Variants in NCALD observed in about 807,000 individuals in gnomAD.
The protein encoded by NCALD is neurocalcin delta, also known as neurocalcin-delta.
A neutral mutation model predicts 18.6 loss-of-function variants in NCALD; 10 were observed. The ratio of observed to expected loss-of-function variants is 0.54; its 90% CI spans 0.33 to 0.91. The LOEUF is 0.91. Ranked by LOEUF, NCALD falls within the 40% of genes least tolerant of loss-of-function variation. The pLI, the probability that NCALD is intolerant of heterozygous loss-of-function variation, is 0.03. For missense variants in NCALD, 184 were observed against 247.6 expected (o/e 0.74, Z 1.72); for synonymous variants, 88 against 87.4 (o/e 1.01, Z -0.04).
At chr8:102,108,235 A>C (rs977968863) in intron 1 of NCALD, among the ~76,000 whole-genome samples, 3 of 152,238 alleles carry the variant, frequency 2.0e-5, no homozygotes, top group Non-Finnish European at 4.4e-5. Context: ...ACAGTTTGGC[A>C]TACACAAAAA....
chr8:101,811,570 C>T (rs1019395302), intron 4 of NCALD, among the ~76,000 whole-genome samples: 3 of 152,132 alleles, frequency 2.0e-5, no homozygotes, highest in Non-Finnish European at 4.4e-5. Flanking sequence ...GCAACAAATG[C>T]GTGCTGAGTG....
intron 4 of NCALD, among the ~76,000 whole-genome samples, chr8:101,870,930 T>G (rs1421875106): frequency 9.0e-6 from 1 of 111,048 alleles, no homozygotes; most frequent in African/African-American, 3.6e-5. Flanking sequence ...AGAACGTTCA[T>G]GAGTTATCTA....
intron 2 of NCALD, among the ~76,000 whole-genome samples, chr8:102,014,381 T>A (rs1281960029): frequency 6.6e-6 from 1 of 152,174 alleles, no homozygotes; most frequent in East Asian, 1.9e-4. Flanking sequence ...ACTTTCATGA[T>A]CTAATCACCT....
intron 1 of NCALD, among the ~76,000 whole-genome samples, chr8:102,119,431 G>A (rs1287546279): frequency 2.0e-5 from 3 of 152,202 alleles, no homozygotes; most frequent in African/African-American, 7.2e-5. Flanking sequence ...TAGGAAGTTA[G>A]TGTTTAGTGG....
In NCALD at chr8:101,689,975, T is replaced by G. The variant is rs1337289323; in HGVS notation, c.485-569A>C. 6.6e-6 allele frequency among the ~76,000 whole-genome samples: 1 copy of G among 152,180 alleles called. No individual in the cohort carries two copies. The highest frequency in any genetic ancestry group is 6.5e-5 in the Admixed American group (1 of 15,286). On this transcript the variant is annotated intron_variant, in intron 3 of 3. Transcript: ENST00000220931. This position sits in a 1 kb window ranked among gnomAD's most constrained non-coding sequence, Gnocchi z 4.4. The stretch of plus-strand genomic sequence containing the variant: ...TTCATACACCACGGGAAGACAGCTG[T>G]GCCTCCATCTGAGGTCAGGGAAGAG...
chr8:101,822,674 C>T (rs1813769832), intron 4 of NCALD, among the ~76,000 whole-genome samples: 2 of 152,190 alleles, frequency 1.3e-5, no homozygotes. Context: ...TAGCAGCAGC[C>T]TTGAACAGCT....
At chr8:101,749,267 C>T (rs964002311) in intron 1 of NCALD, among the ~76,000 whole-genome samples, 2 of 152,198 alleles carry the variant, frequency 1.3e-5, no homozygotes, top group African/African-American at 4.8e-5. Context: ...AATTAAGCCT[C>T]ATAAATGGCT....
At chr8:101,761,966 A>T (rs1811129800) in intron 1 of NCALD, among the ~76,000 whole-genome samples, 1 of 152,206 alleles carries the variant, frequency 6.6e-6, no homozygotes, top group African/African-American at 2.4e-5. Context: ...CATAGTAGGG[A>T]ATGGTGGAGC....
chr8:101,881,046 C>T (rs1003477404), intron 4 of NCALD, among the ~76,000 whole-genome samples: 1 of 152,084 alleles, frequency 6.6e-6, no homozygotes, highest in African/African-American at 2.4e-5. Context: ...ATAATATTGG[C>T]TCATTTGAAC....
intron 2 of NCALD, among the ~76,000 whole-genome samples, chr8:102,013,259 T>C (rs554278061): frequency 6.6e-6 from 1 of 152,314 alleles, no homozygotes; most frequent in East Asian, 1.9e-4. Context: ...CAGCAGCTCA[T>C]ATTTTTCTTT....
At chr8:101,863,806 T>A (rs1815646113) in intron 4 of NCALD, among the ~76,000 whole-genome samples, 2 of 152,162 alleles carry the variant, frequency 1.3e-5, no homozygotes. Flanking sequence ...GACAAAGATC[T>A]GGATGAAATG....
At position 102,042,669 on chromosome 8, in the gene NCALD, G is replaced by A. The variant is rs73697443; in HGVS notation, c.-209-22380C>T. 2.2e-3 allele frequency among the ~76,000 whole-genome samples: 331 copies of A among 151,670 alleles called. 5 individuals are homozygous for A. The highest frequency in any genetic ancestry group is 7.4e-3 in the African/African-American group (304 of 41,064). On this transcript the variant is annotated intron_variant, in intron 1 of 6. Transcript: ENST00000311028. ...GACCCCCAACTAATGAAAGCTAGAG[G>A]TGACTACCAACCAGACTCCTTGGGG...
At chr8:102,084,770 A>C (rs1233980504) in intron 1 of NCALD, among the ~76,000 whole-genome samples, 1 of 152,212 alleles carries the variant, frequency 6.6e-6, no homozygotes, top group East Asian at 1.9e-4. Flanking sequence ...ATCAGGAAGC[A>C]GCTGATCACC....
At chr8:101,961,744 T>C (rs963902782) in intron 2 of NCALD, among the ~76,000 whole-genome samples, 5 of 152,144 alleles carry the variant, frequency 3.3e-5, no homozygotes, top group Admixed American at 6.6e-5. Context: ...AACTACTACT[T>C]TTAATTCAAA....
At chr8:101,825,127 C>T (rs993350178) in intron 4 of NCALD, among the ~76,000 whole-genome samples, 26 of 152,172 alleles carry the variant, frequency 1.7e-4, no homozygotes, top group South Asian at 4.1e-4. Context: ...CACAGGTCAC[C>T]GCTGTCTTCA....
intron 3 of NCALD, among the ~76,000 whole-genome samples, chr8:101,899,681 T>G (rs768664668): frequency 1.4e-4 from 21 of 151,908 alleles, no homozygotes; most frequent in Non-Finnish European, 3.1e-4. Flanking sequence ...TGAATTACAT[T>G]GAGGATTTTC....
intron 2 of NCALD, among the ~76,000 whole-genome samples, chr8:101,957,036 A>T (rs193031034): frequency 5.1e-4 from 78 of 152,330 alleles, no homozygotes; most frequent in Non-Finnish European, 7.1e-4. Context: ...AATGGAGCTC[A>T]GAGATAAATT....
chr8:101,870,117 A>C (rs538201381), intron 4 of NCALD, among the ~76,000 whole-genome samples: 5 of 152,378 alleles, frequency 3.3e-5, no homozygotes, highest in African/African-American at 1.2e-4. Context: ...CACCAGACGA[A>C]GAGGGGACTC....
intron 1 of NCALD, among the ~76,000 whole-genome samples, chr8:101,755,973 G>C (rs1004385276): frequency 2.0e-5 from 3 of 152,158 alleles, no homozygotes; most frequent in Non-Finnish European, 4.4e-5. Context: ...AATCATGACT[G>C]ATGTGGGGAG....
Sources: gnomAD v4.1 joint callset for allele counts (sites outside exome capture counted in the v4.1 genomes callset) on GRCh38, gnomAD v4.1.1 for gene constraint, Gnocchi (gnomAD v3.1) non-coding constraint, MANE v1.5 for transcripts, NCBI Gene and HGNC (gene_info 2026-07-23, HGNC 2026-07-21) for gene names.